The following LARP1 variants were observed in gnomAD, a reference collection of about 807,000 sequenced individuals.
LARP1 encodes la-related protein 1.
In LARP1, 36 loss-of-function variants were observed where a neutral mutation model predicts 122.7. The ratio of observed to expected loss-of-function variants is 0.29; its 90% CI spans 0.22 to 0.39. The LOEUF is 0.39. Ranked by LOEUF, LARP1 falls within the 10% of genes least tolerant of loss-of-function variation. The pLI, the probability that LARP1 is intolerant of heterozygous loss-of-function variation, is 1.00. For synonymous variants in LARP1, 539 were observed against 528.7 expected, an observed-to-expected ratio of 1.02 and a Z score of -0.27; for missense variants, 1,040 against 1,403.6, an observed-to-expected ratio of 0.74 and a Z score of 4.14.
At position 154,755,995 on chromosome 5, in the gene LARP1, C is replaced by A; in HGVS notation, c.238C>A (p.Gln80Lys). 2.0e-6 allele frequency: 2 copies of A among 1,010,860 alleles called. No individual in the cohort carries two copies. Among genetic ancestry groups the A allele is most frequent in the Non-Finnish European group, 2.4e-6 (2 of 848,354 alleles). The allele number at this position is 1,010,860 out of a possible 1,614,324, so 62.6% of individuals were successfully genotyped here. ...QQERESPRPL[Q>K]LPGAEGPAIS... ...GGAGCGCGAGAGCCCGCGGCCGCTG[C>A]AGCTGCCCGGCGCCGAAGGCCCGGC... The change falls in exon 1 of 19, where the codon CAG (glutamine) becomes AAG (lysine). Residue 80 changes from glutamine to lysine, a missense_variant. Gln to Lys is a moderately conservative substitution (Grantham distance 53). Coordinates refer to ENST00000518297, the MANE Select transcript of LARP1 (RefSeq NM_033551.3).
intron 1 of LARP1, among the ~76,000 whole-genome samples, chr5:154,726,851 C>A (rs1756247028): frequency 6.6e-6 from 1 of 152,178 alleles, no homozygotes; most frequent in Non-Finnish European, 1.5e-5. Context: ...CCGTACAGGG[C>A]AGCAGGAGAG....
At chr5:154,797,937 G>A (rs544047992) in intron 8 of LARP1, among the ~76,000 whole-genome samples, 5 of 152,158 alleles carry the variant, frequency 3.3e-5, no homozygotes, top group Non-Finnish European at 5.9e-5. Flanking sequence ...CTCTCACTTC[G>A]GCTTCCAAAG....
chr5:154,803,028 TGAG>T lies in LARP1; in HGVS notation c.2110-258_2110-256del, dbSNP rs1758468717. Among the ~76,000 whole-genome samples the T allele has an allele frequency of 6.6e-6, 1 of 152,168 alleles. No homozygotes were observed. Among genetic ancestry groups the T allele is most frequent in the Non-Finnish European group, 1.5e-5 (1 of 68,026 alleles). ...CAGGGGGGAGTGTGTAGTGAGTTCC[TGAG>T]GAGCTACTGTCAGCCTGATCTCAGT... On this transcript the variant is annotated intron_variant, in intron 11 of 18. Coordinates refer to ENST00000518297, the MANE Select transcript of LARP1 (RefSeq NM_033551.3). This position sits in a 1 kb window ranked among gnomAD's most constrained non-coding sequence, Gnocchi z 4.4.
chr5:154,737,597 A>G (rs1455213556), intron 1 of LARP1, among the ~76,000 whole-genome samples: 1 of 150,450 alleles, frequency 6.6e-6, no homozygotes, highest in East Asian at 2.0e-4. Context: ...ACATGCCACC[A>G]CGCCGGCTAA....
chr5:154,714,047 A>C lies in LARP1; in HGVS notation c.205+917A>C, dbSNP rs564969577. On this transcript the variant is annotated intron_variant, in intron 1 of 18. Coordinates refer to the LARP1 transcript ENST00000336314. ...ACTGACTAGCTCTGTGACCTCAGGCAAATTGTTTACCTCTTTGAACTCAGT... is the reference window on the plus strand; with the variant it reads ...ACTGACTAGCTCTGTGACCTCAGGCCAATTGTTTACCTCTTTGAACTCAGT... Among the ~76,000 whole-genome samples, 205 of 152,342 alleles carry C rather than the reference A, an allele frequency of 1.3e-3. 2 individuals carry two copies. The highest frequency in any genetic ancestry group is 4.7e-3 in the African/African-American group (194 of 41,588).
intron 1 of LARP1, among the ~76,000 whole-genome samples, chr5:154,723,899 C>A (rs75903265): frequency 0.011 from 1,617 of 152,308 alleles, 27 homozygotes; most frequent in African/African-American, 0.037. Flanking sequence ...ACTGATTCTC[C>A]CTCTACTCTG....
chr5:154,692,088 A>G (rs1162630448), intron 1 of LARP1, among the ~76,000 whole-genome samples: 3 of 152,338 alleles, frequency 2.0e-5, no homozygotes, highest in Middle Eastern at 3.4e-3. Context: ...CACCGCTCCC[A>G]GCCCTGCTGG....
In LARP1 at chr5:154,803,741, C is replaced by G. The variant is rs996796060; in HGVS notation, c.2435C>G (p.Ala812Gly). Reference sequence around the variant, plus strand: ...GTGAAAGAAGGACGGACACTGGATGCCAAGGTGAGGCATTCCTGTCGGGCT... The same window carrying G: ...GTGAAAGAAGGACGGACACTGGATGGCAAGGTGAGGCATTCCTGTCGGGCT... ...PVVKEGRTLDAKMPRKRKTRH... is the reference protein window; with the variant it reads ...PVVKEGRTLDGKMPRKRKTRH... The change falls in exon 13 of 19, where the codon GCC (alanine) becomes GGC (glycine). Residue 812 changes from alanine (A) to glycine (G), a missense_variant. Ala to Gly is a moderately conservative substitution (Grantham distance 60). Around this residue, in one of 8 missense-constraint regions of LARP1, gnomAD observed 18 missense variants for 60.2 expected, o/e 0.30. Coordinates refer to ENST00000518297, the MANE Select transcript of LARP1 (RefSeq NM_033551.3). This position sits in a 1 kb window ranked among gnomAD's most constrained non-coding sequence, Gnocchi z 4.4. 1.2e-6 allele frequency: 2 copies of G among 1,613,972 alleles called. No individual in the cohort carries two copies. The highest frequency in any genetic ancestry group is 1.7e-6 in the Non-Finnish European group (2 of 1,179,832).
chr5:154,765,504 CCTCAGCCT>C (rs2113625655), intron 1 of LARP1, among the ~76,000 whole-genome samples: 1 of 152,310 alleles, frequency 6.6e-6, no homozygotes, highest in East Asian at 1.9e-4. Context: ...GATCCTTCCA[CCTCAGCCT>C]CCAGAGTAGT....
intron 1 of LARP1, among the ~76,000 whole-genome samples, chr5:154,700,347 T>C (rs988260292): frequency 6.6e-6 from 1 of 151,994 alleles, no homozygotes; most frequent in African/African-American, 2.4e-5. Flanking sequence ...AGTCATTGTG[T>C]GTTTTTTCAT....
At chr5:154,798,273 A>G (rs1758051047) in intron 8 of LARP1, among the ~76,000 whole-genome samples, 1 of 152,180 alleles carries the variant, frequency 6.6e-6, no homozygotes, top group African/African-American at 2.4e-5. Context: ...TTACAGGCAA[A>G]CTTTTTAGAA....
chr5:154,705,911 T>C (rs1754925035), intron 1 of LARP1, among the ~76,000 whole-genome samples: 2 of 152,144 alleles, frequency 1.3e-5, no homozygotes, highest in Middle Eastern at 3.2e-3. Flanking sequence ...AAAAGACATA[T>C]ACACTCACAT....
At chr5:154,772,391 G>T (rs1755510862) in intron 1 of LARP1, among the ~76,000 whole-genome samples, 1 of 152,132 alleles carries the variant, frequency 6.6e-6, no homozygotes, top group Admixed American at 6.5e-5. Flanking sequence ...TATTTCAAGT[G>T]TGTGTAAGAG....
intron 1 of LARP1, among the ~76,000 whole-genome samples, chr5:154,738,314 A>G (rs1757027244): frequency 6.6e-6 from 1 of 152,184 alleles, no homozygotes; most frequent in Non-Finnish European, 1.5e-5. Flanking sequence ...AAGAAACAGC[A>G]AAGCCAGGTG....
intron 1 of LARP1, among the ~76,000 whole-genome samples, chr5:154,691,714 G>A (rs1754220595): frequency 1.3e-5 from 2 of 152,060 alleles, no homozygotes; most frequent in African/African-American, 2.4e-5. Context: ...CCTCCAACCT[G>A]ATAGCGCTCC....
At chr5:154,811,834 T>C (rs2113036305) in intron 18 of LARP1, among the ~76,000 whole-genome samples, 194 bp downstream of exon 18, 1 of 152,294 alleles carries the variant, frequency 6.6e-6, no homozygotes, top group East Asian at 1.9e-4. Context: ...GAGATAGTTG[T>C]ATGGTTGCTC....
Position 154,793,848 on chromosome 5 carries a change from G to T in LARP1, c.917G>T (p.Trp306Leu), listed in dbSNP as rs779590597. ...CCCGTGGCCCCCCCCACCCCAGCCT[G>T]GCAACCAGAGATCAAACCGGAGCCT... ...YVPVAPPTPA[W>L]QPEIKPEPAW... The change falls in exon 6 of 19, where the codon TGG (tryptophan) becomes TTG (leucine). Residue 306 changes from tryptophan to leucine, a missense_variant. Trp to Leu is a moderately conservative substitution (Grantham distance 61, BLOSUM62 -2). Around this residue, in one of 8 missense-constraint regions of LARP1, gnomAD observed 178 missense variants for 178.3 expected, o/e 1.00. Coordinates refer to ENST00000518297, the MANE Select transcript of LARP1 (RefSeq NM_033551.3). The T allele has an allele frequency of 1.9e-6, 3 of 1,614,032 alleles. No homozygotes were observed. In the African/African-American group the frequency reaches 4.0e-5, roughly 22 times the overall value.
chr5:154,713,232 C>T, intron 1 of LARP1: 1 of 944,670 alleles, frequency 1.1e-6, no homozygotes, highest in Non-Finnish European at 1.6e-6. Context: ...GGTTCCAGCC[C>T]TGCTGTGTGA....
intron 10 of LARP1, among the ~76,000 whole-genome samples, chr5:154,801,518 A>C (rs1490213225): frequency 6.6e-6 from 1 of 152,020 alleles, no homozygotes; most frequent in Non-Finnish European, 1.5e-5. Flanking sequence ...ACTAATGGGT[A>C]CTCCCTCATT....
Sources: allele counts gnomAD v4.1 joint callset (sites outside exome capture counted in the v4.1 genomes callset), GRCh38; gene constraint gnomAD v4.1.1; regional missense constraint gnomAD v4.1.1; non-coding constraint Gnocchi (gnomAD v3.1); transcripts MANE v1.5; gene names NCBI Gene and HGNC (gene_info 2026-07-23, HGNC 2026-07-21).